The following MKNK2 variants were observed in gnomAD, a reference collection of about 807,000 sequenced individuals.
The protein encoded by MKNK2 is MAPK interacting serine/threonine kinase 2.
Under a neutral mutation model 55.0 loss-of-function variants are expected in MKNK2, and 54 were observed. The ratio of observed to expected loss-of-function variants is 0.98; its 90% confidence interval spans 0.79 to 1.23. The LOEUF (loss-of-function observed/expected upper bound fraction) is 1.23, where lower values mean the gene tolerates loss of function less well. Ranked by LOEUF, MKNK2 falls within the 50% of genes most tolerant of loss-of-function variation. The probability of loss-of-function intolerance (pLI) is 0.00; values close to 1 mark genes in which losing one functional copy is unlikely to be tolerated. For missense variants in MKNK2, 685 were observed against 632.1 expected (o/e 1.08, Z -0.90); for synonymous variants, 323 against 256.0 (o/e 1.26, Z -2.50).
At position 2,038,995 on chromosome 19, in the gene MKNK2, C is replaced by T. The variant is rs904578596; in HGVS notation, c.*618G>A. 87 of 984,616 alleles carry T rather than the reference C, an allele frequency of 8.8e-5. No homozygotes were observed. The highest frequency in any genetic ancestry group is 1.2e-4 in the Admixed American group (2 of 16,226). The allele number at this position is 984,616 out of a possible 1,614,324, so 61.0% of individuals were successfully genotyped here. A position where few individuals can be genotyped will look rare whatever the true frequency, so the allele number is the denominator to read the frequency against. The stretch of plus-strand genomic sequence containing the variant: ...TCAACTATCATGGGGACAAGGCAGG[C>T]GCGGGTGAAGGGCTGGGGGATCCCA... On this transcript the variant is annotated 3_prime_UTR_variant, in exon 14 of 14. Transcript: ENST00000250896.
chr19:2,041,267 A>G (rs2016875593), intron 11 of MKNK2, 63 bp from the exon 12 acceptor site: 20 of 1,543,974 alleles, frequency 1.3e-5, no homozygotes, highest in Middle Eastern at 1.7e-4. Context: ...GTGCACTGAC[A>G]CGTGGCTCCA....
chr19:2,042,173 C>T, intron 10 of MKNK2, 139 bp from the exon 11 acceptor site: 3 of 851,132 alleles, frequency 3.5e-6, no homozygotes, highest in Non-Finnish European at 5.1e-6. Context: ...CTGCCGGGAA[C>T]GCGCCCCCGC....
At chr19:2,044,306 TG>T (rs2016954424) in intron 5 of MKNK2, among the ~76,000 whole-genome samples, 1 of 152,228 alleles carries the variant, frequency 6.6e-6, no homozygotes, top group Non-Finnish European at 1.5e-5. Context: ...GACACTTGCC[TG>T]CCGCCTCAGC....
At chr19:2,039,953 C>A (rs1446255987) in intron 13 of MKNK2, 97 bp from the exon 14 acceptor site, 12 of 1,445,230 alleles carry the variant, frequency 8.3e-6, no homozygotes, top group South Asian at 7.5e-5. Flanking sequence ...TTCATGCCCC[C>A]CTCCCAGCCC....
At position 2,041,933 on chromosome 19, in the gene MKNK2, G is replaced by T; in HGVS notation, c.852C>A (p.Ile284=). Reference sequence around the variant, plus strand: ...GGTAGCCGCTGAGTAGGATATACAAGATGACGCCCAGGCTCCACAGGTCGC... The same window carrying T: ...GGTAGCCGCTGAGTAGGATATACAATATGACGCCCAGGCTCCACAGGTCGC... The part of the protein sequence containing the change: ...KRCDLWSLGV[I]LYILLSGYPP... The change falls in exon 11 of 14, where the codon ATC becomes ATA. Residue 284 remains isoleucine, a synonymous_variant. Coordinates refer to ENST00000250896, the MANE Select transcript of MKNK2 (RefSeq NM_199054.3). 1 of 1,553,212 alleles carries T rather than the reference G, an allele frequency of 6.4e-7. No individual in the cohort carries two copies. Among genetic ancestry groups the T allele is most frequent in the South Asian group, 1.2e-5 (1 of 84,408 alleles).
Position 2,042,615 on chromosome 19 carries a change from G to T in MKNK2, c.646C>A (p.Pro216Thr). ...LKPENILCEH[P>T]NQVSPVKICD... ...TGCCGGAACTGGCCTACCTGGTTGGGGTGCTCACAGAGGATGTTTTCCGGC... is the reference window on the plus strand; with the variant it reads ...TGCCGGAACTGGCCTACCTGGTTGGTGTGCTCACAGAGGATGTTTTCCGGC... The change falls in exon 9 of 14, where the codon CCC becomes ACC. Residue 216 changes from proline (P) to threonine (T), a missense_variant. Transcript: ENST00000250896. 2 of 1,565,588 alleles carry T rather than the reference G, an allele frequency of 1.3e-6. No individual in the cohort carries two copies. Among genetic ancestry groups the T allele is most frequent in the Non-Finnish European group, 1.7e-6 (2 of 1,154,818 alleles).
At position 2,038,957 on chromosome 19, in the gene MKNK2, G is replaced by A. The variant is rs567061681; in HGVS notation, c.*656C>T. 2.0e-5 allele frequency: 20 copies of A among 985,794 alleles called. No homozygotes were observed. The highest frequency in any genetic ancestry group is 2.3e-5 in the Non-Finnish European group (19 of 829,976). 61.1% of individuals were successfully genotyped at this position (985,794 alleles called of 1,614,324 possible). On this transcript the variant is annotated 3_prime_UTR_variant, in exon 14 of 14. Coordinates refer to ENST00000250896, the MANE Select transcript of MKNK2 (RefSeq NM_199054.3). ...CTGGACAGACAGACGGGCCTTGCAGGAAGCCCCGATTGTCAACTATCATGG... is the reference window on the plus strand; with the variant it reads ...CTGGACAGACAGACGGGCCTTGCAGAAAGCCCCGATTGTCAACTATCATGG...
intron 2 of MKNK2, among the ~76,000 whole-genome samples, chr19:2,050,362 T>C (rs994381718): frequency 1.3e-4 from 20 of 152,292 alleles, no homozygotes; most frequent in African/African-American, 4.8e-4. Flanking sequence ...GAGGTGGGAA[T>C]GGGACTGTGG....
In MKNK2 at chr19:2,038,050, G is replaced by T; in HGVS notation, c.*1563C>A. 7.9e-7 allele frequency: 1 copy of T among 1,269,590 alleles called. No homozygotes were observed. 78.6% of individuals were successfully genotyped at this position (1,269,590 alleles called of 1,614,324 possible). On this transcript the variant is annotated 3_prime_UTR_variant, in exon 14 of 14. Transcript: ENST00000250896. The stretch of plus-strand genomic sequence containing the variant: ...TGCCCCACCCCCCCCAGGGGTCTTT[G>T]GAAGGGGCAGTCCACAGATATGGGC...
intron 2 of MKNK2, 146 bp from the exon 3 acceptor site, chr19:2,046,837 C>T (rs558739945): frequency 1.6e-5 from 10 of 626,806 alleles, no homozygotes; most frequent in Admixed American, 7.2e-5. Flanking sequence ...CCCGCTCACA[C>T]ACCAGGATCA....
chr19:2,051,116 G>T lies in MKNK2; in HGVS notation c.-117C>A. ...CTCACCGGGGTCGGGCTTGGGCCGG[G>T]GCCGCAGTGCCGCCGCCGCCCCACG... is the stretch of plus-strand genomic sequence containing the variant. On this transcript the variant is annotated 5_prime_UTR_variant, in exon 1 of 14. Coordinates refer to ENST00000250896, the MANE Select transcript of MKNK2 (RefSeq NM_199054.3). 4.8e-6 allele frequency: 1 copy of T among 208,884 alleles called. No individual in the cohort carries two copies. Among genetic ancestry groups the T allele is most frequent in the Non-Finnish European group, 9.5e-6 (1 of 104,804 alleles). 12.9% of individuals were successfully genotyped at this position (208,884 alleles called of 1,614,324 possible). A position where few individuals can be genotyped will look rare whatever the true frequency, so the allele number is the denominator to read the frequency against.
chr19:2,039,436 A>G lies in MKNK2; in HGVS notation c.*177T>C, dbSNP rs547551679. 28,984 of 1,070,768 alleles carry G rather than the reference A, an allele frequency of 0.027. 353 individuals carry two copies. The highest frequency in any genetic ancestry group is 0.051 in the Middle Eastern group (158 of 3,080). 66.3% of individuals were successfully genotyped at this position (1,070,768 alleles called of 1,614,324 possible). A position where few individuals can be genotyped will look rare whatever the true frequency, so the allele number is the denominator to read the frequency against. ...AATAACGGGGAGGGGTGGAAACAGG[A>G]AAAAAAAAACCCAAAAGCAAAAACC... On this transcript the variant is annotated 3_prime_UTR_variant, in exon 14 of 14. Transcript: ENST00000250896.
At chr19:2,050,994 C>G (rs2017106584) in intron 1 of MKNK2, 47 bp from the exon 2 acceptor site, 1 of 463,422 alleles carries the variant, frequency 2.2e-6, no homozygotes, top group Admixed American at 4.6e-5. Context: ...GGAGCCCGGC[C>G]TGCCAGGAGC....
Position 2,039,536 on chromosome 19 carries a change from C to T in MKNK2, c.*77G>A, listed in dbSNP as rs1001568830. 28 of 1,500,424 alleles carry T rather than the reference C, an allele frequency of 1.9e-5. No individual in the cohort carries two copies. Among genetic ancestry groups the T allele is most frequent in the Non-Finnish European group, 2.3e-5 (26 of 1,122,156 alleles). The allele number at this position is 1,500,424 out of a possible 1,614,324, so 92.9% of individuals were successfully genotyped here. A position where few individuals can be genotyped will look rare whatever the true frequency, so the allele number is the denominator to read the frequency against. ...AGAGGAGGGGCAGCCCGCTGGACAC[C>T]GGCTGGCGATAGCTTAAAAAACCTT... is the stretch of plus-strand genomic sequence containing the variant. On this transcript the variant is annotated 3_prime_UTR_variant, in exon 14 of 14. Coordinates refer to ENST00000250896, the MANE Select transcript of MKNK2 (RefSeq NM_199054.3).
rs376200147 is a variant in MKNK2, at chr19:2,046,353, C to T, written c.241+14G>A. The T allele has an allele frequency of 1.2e-6, 2 of 1,605,714 alleles. No homozygotes were observed. The highest frequency in any genetic ancestry group is 1.7e-6 in the Non-Finnish European group (2 of 1,179,518). The stretch of plus-strand genomic sequence containing the variant: ...CCGCTCCCGGCTCCCCCAATGCCCG[C>T]CATCCCCGCTCACCTTCAAACCTGC... On this transcript the variant is annotated intron_variant, in intron 4 of 13. Transcript: ENST00000250896.
In MKNK2 at chr19:2,046,191, C is replaced by A; in HGVS notation, c.334G>T (p.Val112Phe). 1 of 1,608,500 alleles carries A rather than the reference C, an allele frequency of 6.2e-7. No homozygotes were observed. Among genetic ancestry groups the A allele is most frequent in the Non-Finnish European group, 8.5e-7 (1 of 1,179,878 alleles). Residue 112 changes from valine to phenylalanine, a missense_variant, in exon 5 of 14, where the codon GTC becomes TTC. By Grantham distance (50) the Val-to-Phe change is conservative. Transcript: ENST00000250896. ...AGGGCGCGGCGCGGGCCCACCTTGA[C>A]GGCGTACTCCTGGCTGGTGATCAGG... ...INLITSQEYA[V>F]KIIEKQPGHI...
Position 2,039,435 on chromosome 19 carries a change from G to GAAA in MKNK2, c.*175_*177dup. ...AAATAACGGGGAGGGGTGGAAACAG[G>GAAA]AAAAAAAAAACCCAAAAGCAAAAAC... On this transcript the variant is annotated 3_prime_UTR_variant, in exon 14 of 14. Coordinates refer to ENST00000250896, the MANE Select transcript of MKNK2 (RefSeq NM_199054.3). 7 of 1,329,396 alleles carry GAAA rather than the reference G, an allele frequency of 5.3e-6. No homozygotes were observed. Among genetic ancestry groups the GAAA allele is most frequent in the South Asian group, 1.8e-5 (1 of 56,028 alleles). 82.4% of individuals were successfully genotyped at this position (1,329,396 alleles called of 1,614,324 possible). A position where few individuals can be genotyped will look rare whatever the true frequency, so the allele number is the denominator to read the frequency against.
At position 2,042,825 on chromosome 19, in the gene MKNK2, A is replaced by G. The variant is rs1204632018; in HGVS notation, c.539T>C (p.Leu180Pro). The change falls in exon 8 of 14, where the codon CTG becomes CCG. Residue 180 changes from leucine (L) to proline (P), a missense_variant. Transcript: ENST00000250896. ...GTCCTGCACCACCACGCTGGCCTCCAGCTCGTTGAAGTGCCGGCGCTTGTG... is the reference window on the plus strand; with the variant it reads ...GTCCTGCACCACCACGCTGGCCTCCGGCTCGTTGAAGTGCCGGCGCTTGTG... ...HIHKRRHFNE[L>P]EASVVVQDVA... is the part of the protein sequence containing the mutation. 1 of 1,577,706 alleles carries G rather than the reference A, an allele frequency of 6.3e-7. No individual in the cohort carries two copies. Among genetic ancestry groups the G allele is most frequent in the Admixed American group, 1.8e-5 (1 of 54,152 alleles).
At chr19:2,044,653 G>A (rs749551411) in intron 5 of MKNK2, among the ~76,000 whole-genome samples, 1 of 152,240 alleles carries the variant, frequency 6.6e-6, no homozygotes, top group Non-Finnish European at 1.5e-5. Flanking sequence ...TGCCTCTGCA[G>A]TCCCATGTCT....
Sources: allele counts gnomAD v4.1 joint callset (sites outside exome capture counted in the v4.1 genomes callset), GRCh38; gene constraint gnomAD v4.1.1; transcripts MANE v1.5; gene names NCBI Gene and HGNC (gene_info 2026-07-23, HGNC 2026-07-21).